The following RBFOX1 variants were observed in gnomAD, a reference collection of about 807,000 sequenced individuals.
RBFOX1 encodes the protein RNA binding fox-1 homolog 1.
In RBFOX1, 8 loss-of-function variants were observed where a neutral mutation model predicts 57.7. The observed-to-expected ratio is 0.14, with a 90% CI of 0.08 to 0.25. RBFOX1 has a LOEUF of 0.25. Ranked by LOEUF, RBFOX1 falls within the 10% of genes least tolerant of loss-of-function variation. The pLI is 1.00. For missense variants in RBFOX1, 611 were observed against 548.5 expected, an observed-to-expected ratio of 1.11 and a Z score of -1.14; for synonymous variants, 326 against 222.4, an observed-to-expected ratio of 1.47 and a Z score of -4.15.
chr16:6,895,380 C>A (rs757964743), intron 3 of RBFOX1, among the ~76,000 whole-genome samples: 1 of 143,520 alleles, frequency 7.0e-6, no homozygotes, highest in Non-Finnish European at 1.5e-5. Context: ...ACTGGTTTAC[C>A]CTCTTCGTCT....
At chr16:5,836,041 C>G (rs915646953) in intron 3 of RBFOX1, among the ~76,000 whole-genome samples, 2 of 152,178 alleles carry the variant, frequency 1.3e-5, no homozygotes, top group African/African-American at 4.8e-5. Flanking sequence ...TTAGTCCCTG[C>G]CAGAAGTTAG....
intron 4 of RBFOX1, among the ~76,000 whole-genome samples, chr16:7,262,152 A>C (rs72481061): frequency 0.036 from 5,502 of 151,990 alleles, 169 homozygotes; most frequent in East Asian, 0.14. Flanking sequence ...AGGTAAATAT[A>C]GTTATATATC....
At chr16:6,058,663 C>A (rs988196592) in intron 1 of RBFOX1, among the ~76,000 whole-genome samples, 2 of 150,782 alleles carry the variant, frequency 1.3e-5, no homozygotes, top group African/African-American at 4.9e-5. Flanking sequence ...CCCATCCATC[C>A]ATCCACCCAC....
chr16:6,552,408 C>T (rs1010786275), intron 2 of RBFOX1, among the ~76,000 whole-genome samples: 2 of 152,086 alleles, frequency 1.3e-5, no homozygotes, highest in Non-Finnish European at 1.5e-5. Flanking sequence ...CTCAGAAACT[C>T]AGTAATGTCA....
intron 4 of RBFOX1, among the ~76,000 whole-genome samples, chr16:7,197,823 G>A (rs955409376): frequency 6.6e-6 from 1 of 151,970 alleles, no homozygotes; most frequent in Admixed American, 6.6e-5. Flanking sequence ...GACACAAAAG[G>A]TCACATGTTA....
At position 6,836,068 on chromosome 16, in the gene RBFOX1, G is replaced by C. The variant is rs141287241; in HGVS notation, c.-16+181418G>C. ...AACCTACTGTTCAATAGCTAGCTCA[G>C]CTCTGCTACAAAACGCCTGCTATAG... is the stretch of plus-strand genomic sequence containing the variant. On this transcript the variant is annotated intron_variant, in intron 3 of 15. Coordinates refer to ENST00000550418, the MANE Select transcript of RBFOX1 (RefSeq NM_018723.4). Among the ~76,000 whole-genome samples the C allele has an allele frequency of 6.6e-5, 10 of 152,318 alleles. No homozygotes were observed. The East Asian group carries it at 1.9e-3, about 29-fold the overall frequency.
At chr16:7,703,748 C>T (rs2081511949) in intron 14 of RBFOX1, among the ~76,000 whole-genome samples, 1 of 152,150 alleles carries the variant, frequency 6.6e-6, no homozygotes, top group Admixed American at 6.5e-5. Context: ...ATTCAAGAGG[C>T]TGCATACTTA....
chr16:7,704,312 G>A (rs911817932), intron 14 of RBFOX1, among the ~76,000 whole-genome samples: 1 of 152,186 alleles, frequency 6.6e-6, no homozygotes, highest in Non-Finnish European at 1.5e-5. Flanking sequence ...TCTTTGTTTA[G>A]TTTTTCCCTG....
intron 4 of RBFOX1, among the ~76,000 whole-genome samples, chr16:7,404,924 A>G (rs947371298): frequency 1.3e-5 from 2 of 152,108 alleles, no homozygotes; most frequent in Non-Finnish European, 2.9e-5. Context: ...GTGAGTAGAT[A>G]TGTGGGCGTA....
At chr16:7,695,828 A>G (rs1389924137) in intron 14 of RBFOX1, among the ~76,000 whole-genome samples, 3 of 152,012 alleles carry the variant, frequency 2.0e-5, no homozygotes, top group Non-Finnish European at 4.4e-5. Context: ...TAAATGGAGA[A>G]AAAAAAATCA....
chr16:6,478,421 A>ATT (rs2095314167), intron 2 of RBFOX1, among the ~76,000 whole-genome samples: 3 of 12,432 alleles, frequency 2.4e-4, no homozygotes, highest in Non-Finnish European at 4.9e-4. Flanking sequence ...ATATATATAT[A>ATT]TATATATATT....
intron 1 of RBFOX1, among the ~76,000 whole-genome samples, chr16:5,399,588 C>G (rs577979658): frequency 2.0e-5 from 3 of 152,118 alleles, no homozygotes; most frequent in Non-Finnish European, 4.4e-5. Context: ...CAAAAATTAG[C>G]TGGATGTGGT....
intron 4 of RBFOX1, among the ~76,000 whole-genome samples, chr16:7,306,307 T>C (rs953881681): frequency 1.3e-5 from 2 of 152,168 alleles, no homozygotes; most frequent in African/African-American, 2.4e-5. Context: ...ACATATAAGA[T>C]AAACACAAAG....
At chr16:7,076,684 G>A (rs139113934) in intron 4 of RBFOX1, among the ~76,000 whole-genome samples, 51 of 152,276 alleles carry the variant, frequency 3.3e-4, no homozygotes, top group African/African-American at 1.1e-3. Context: ...AACACAAAGT[G>A]TAAACAATTC....
intron 1 of RBFOX1, among the ~76,000 whole-genome samples, chr16:5,323,830 A>C (rs1440286386): frequency 6.6e-6 from 1 of 152,200 alleles, no homozygotes; most frequent in Non-Finnish European, 1.5e-5. Flanking sequence ...CAACTGGCTG[A>C]GTGTCCCTGT....
intron 2 of RBFOX1, among the ~76,000 whole-genome samples, chr16:5,587,402 A>G (rs1264590799): frequency 1.3e-5 from 2 of 152,230 alleles, no homozygotes; most frequent in African/African-American, 4.8e-5. Context: ...ACCCATTAGA[A>G]TGGCTAGAAT....
At chr16:7,331,425 G>T (rs2096693287) in intron 4 of RBFOX1, among the ~76,000 whole-genome samples, 1 of 152,072 alleles carries the variant, frequency 6.6e-6, no homozygotes, top group South Asian at 2.1e-4. Flanking sequence ...TCATATTATT[G>T]CTTTCAAAAT....
chr16:6,821,480 C>G (rs1382415444), intron 3 of RBFOX1, among the ~76,000 whole-genome samples: 2 of 152,134 alleles, frequency 1.3e-5, no homozygotes, highest in African/African-American at 2.4e-5. Flanking sequence ...CAACTACCAC[C>G]TTTATCTAGT....
chr16:5,546,263 A>T (rs981321656), intron 2 of RBFOX1, among the ~76,000 whole-genome samples: 2 of 152,212 alleles, frequency 1.3e-5, no homozygotes, highest in Non-Finnish European at 2.9e-5. Context: ...TACAGAGTCA[A>T]TGCAGTCCAA....
Sources: gnomAD v4.1 joint callset for allele counts (sites outside exome capture counted in the v4.1 genomes callset) on GRCh38, gnomAD v4.1.1 for gene constraint, MANE v1.5 for transcripts, NCBI Gene and HGNC (gene_info 2026-07-23, HGNC 2026-07-21) for gene names.